BPIFB3: variants seen among roughly 807,000 people sequenced by gnomAD.
The protein encoded by BPIFB3 is BPI fold containing family B member 3, also known as BPI fold-containing family B member 3.
In BPIFB3, 49 loss-of-function variants were observed where a neutral mutation model predicts 53.1. The ratio of observed to expected loss-of-function variants is 0.92; its 90% CI spans 0.73 to 1.17. The LOEUF is 1.17. Among genes scored for constraint, BPIFB3 ranks in the 50% most tolerant of loss-of-function variants. The probability of loss-of-function intolerance (pLI) is 0.00; values close to 1 mark genes in which losing one functional copy is unlikely to be tolerated. For synonymous variants in BPIFB3, 271 were observed against 269.6 expected, an observed-to-expected ratio of 1.01 and a Z score of -0.05; for missense variants, 628 against 592.5, an observed-to-expected ratio of 1.06 and a Z score of -0.62.
chr20:33,056,402 C>A, intron 1 of BPIFB3, 140 bp from the exon 3 acceptor site: 1 of 1,136,818 alleles, frequency 8.8e-7, no homozygotes, highest in Non-Finnish European at 1.2e-6. Flanking sequence ...TTAGTGGGTT[C>A]CACCATTTGA....
At chr20:33,067,000 C>T in intron 9 of BPIFB3, 123 bp downstream of exon 10, 1 of 988,108 alleles carries the variant, frequency 1.0e-6, no homozygotes, top group South Asian at 1.4e-5. Flanking sequence ...AGTCCAAATT[C>T]ACACTAAAGT....
At chr20:33,056,589 G>C (rs1208586507) in exon 2 of BPIFB3, 2 of 1,614,020 alleles carry the variant, frequency 1.2e-6, no homozygotes, top group Non-Finnish European at 1.7e-6. Context: ...GAATGTGCTG[G>C]GATCGGTCAC....
At chr20:33,066,611 AGCAAAGGCGT>A in intron 8 of BPIFB3, among the ~76,000 whole-genome samples, 1 of 152,348 alleles carries the variant, frequency 6.6e-6, no homozygotes, top group East Asian at 1.9e-4. Flanking sequence ...AGGTGAAATG[AGCAAAGGCGT>A]GCAGAGCCCC....
chr20:33,059,930 C>G, exon 4 of BPIFB3: 1 of 1,614,136 alleles, frequency 6.2e-7, no homozygotes, highest in Non-Finnish European at 8.5e-7. Context: ...CGGAGGTGAA[C>G]GTGACATCGC....
At chr20:33,065,446 G>A (rs1435505150) in intron 8 of BPIFB3, among the ~76,000 whole-genome samples, 1 of 152,054 alleles carries the variant, frequency 6.6e-6, no homozygotes, top group Non-Finnish European at 1.5e-5. Flanking sequence ...GGGAGGTCAA[G>A]GCTGAAGTGA....
chr20:33,055,929 G>A (rs756757922), intron 1 of BPIFB3, among the ~76,000 whole-genome samples: 13 of 152,174 alleles, frequency 8.5e-5, no homozygotes, highest in Non-Finnish European at 1.5e-4. Context: ...CCGGTGGCCT[G>A]TGGTGACAGT....
At chr20:33,070,299 G>A (rs891735530) in intron 11 of BPIFB3, among the ~76,000 whole-genome samples, 11 of 152,178 alleles carry the variant, frequency 7.2e-5, no homozygotes, top group Non-Finnish European at 2.9e-5. Flanking sequence ...GGCCTTGAGT[G>A]TCAGGAAATG....
intron 4 of BPIFB3, 80 bp from the exon 6 acceptor site, chr20:33,061,688 C>T: frequency 7.1e-7 from 1 of 1,400,024 alleles, no homozygotes; most frequent in African/African-American, 1.4e-5. Flanking sequence ...ATCCAGAGCC[C>T]CTAGTGTCCG....
chr20:33,055,296 T>G, upstream of BPIFB3: 1 of 1,410,276 alleles, frequency 7.1e-7, no homozygotes, highest in Non-Finnish European at 9.7e-7. Flanking sequence ...AAGGCTTTCC[T>G]GGGAGTGAAG....
intron 14 of BPIFB3, 115 bp from the exon 16 acceptor site, chr20:33,073,461 T>G: frequency 9.0e-6 from 9 of 997,734 alleles, no homozygotes; most frequent in Non-Finnish European, 1.4e-5. Context: ...ATTTAATGAG[T>G]GCCTGCTGTG....
chr20:33,065,985 G>A (rs919160989), intron 8 of BPIFB3, among the ~76,000 whole-genome samples: 2 of 152,216 alleles, frequency 1.3e-5, no homozygotes, highest in Non-Finnish European at 2.9e-5. Flanking sequence ...ATGTCTGAGC[G>A]GCCTGCGGAT....
At chr20:33,069,602 C>T (rs894696534) in intron 10 of BPIFB3, among the ~76,000 whole-genome samples, 4 of 152,244 alleles carry the variant, frequency 2.6e-5, no homozygotes, top group African/African-American at 4.8e-5. Context: ...CTGGAAAGGC[C>T]TTCCCTCACC....
At chr20:33,061,704 C>A (rs576558487) in intron 4 of BPIFB3, 64 bp from the exon 6 acceptor site, 2 of 1,524,002 alleles carry the variant, frequency 1.3e-6, no homozygotes, top group South Asian at 1.1e-5. Context: ...GTCCGCCCGA[C>A]CCTGTCATCT....
rs1031312352 is a variant in BPIFB3, at chr20:33,073,456, A to G, written c.1402-120A>G. ...TTTTCATCATTCATTTATTCATTTA[A>G]TGAGTGCCTGCTGTGTTCCAGGTAC... On this transcript the variant is annotated intron_variant, in intron 14 of 14. Coordinates refer to ENST00000375494, the Ensembl canonical transcript of BPIFB3. The G allele has an allele frequency of 2.0e-5, 19 of 944,428 alleles. No homozygotes were observed. In the African/African-American group the frequency reaches 3.2e-4, roughly 16 times the overall value. The allele number at this position is 944,428 out of a possible 1,614,324, so 58.5% of individuals were successfully genotyped here.
chr20:33,063,638 G>T lies in BPIFB3; in HGVS notation c.615G>T (p.Val205=), dbSNP rs1568994424. 9 of 1,614,092 alleles carry T rather than the reference G, an allele frequency of 5.6e-6. 1 individual carries two copies. The African/African-American group carries it at 8.0e-5, about 14-fold the overall frequency. Residue 205 remains valine (V), a synonymous_variant, in exon 6 of 15, where the codon GTG becomes GTT. Transcript: ENST00000375494. The stretch of plus-strand genomic sequence containing the variant: ...AGCTGTGCCCCGTGGTGGACAGTGT[G>T]CTGGGTGTGGTGAATGAGCTCCTGG...
chr20:33,073,433 T>C, intron 14 of BPIFB3, 143 bp from the exon 16 acceptor site: 2 of 798,006 alleles, frequency 2.5e-6, no homozygotes, highest in Non-Finnish European at 4.0e-6. Context: ...ATGTCATTTT[T>C]TCATCATTCA....
chr20:33,054,130 G>A (rs141068642), upstream of BPIFB3, among the ~76,000 whole-genome samples: 65 of 152,234 alleles, frequency 4.3e-4, 3 homozygotes, highest in East Asian at 0.013. Flanking sequence ...TACAGATCTG[G>A]GGCCCAGAGA....
intron 11 of BPIFB3, 99 bp from the exon 13 acceptor site, chr20:33,071,154 C>A: frequency 9.0e-7 from 1 of 1,111,040 alleles, no homozygotes; most frequent in Non-Finnish European, 1.2e-6. Context: ...GCTGGTAATC[C>A]TGTTTCCTGA....
chr20:33,070,466 C>T (rs1980839474), intron 11 of BPIFB3, among the ~76,000 whole-genome samples: 1 of 152,216 alleles, frequency 6.6e-6, no homozygotes, highest in Admixed American at 6.5e-5. Context: ...TGCAAAGCAC[C>T]ATCTACATGC....
Sources: gnomAD v4.1 joint callset for allele counts (sites outside exome capture counted in the v4.1 genomes callset) on GRCh38, gnomAD v4.1.1 for gene constraint, MANE v1.5 for transcripts, NCBI Gene and HGNC (gene_info 2026-07-23, HGNC 2026-07-21) for gene names.